The following RHCG variants were observed in gnomAD, a reference collection of about 807,000 sequenced individuals.
The protein encoded by RHCG is Rh family C glycoprotein.
A neutral mutation model predicts 55.3 loss-of-function variants in RHCG; 39 were observed. The observed-to-expected ratio is 0.70, with a 90% CI of 0.55 to 0.92. The LOEUF (loss-of-function observed/expected upper bound fraction) is 0.92, where lower values mean the gene tolerates loss of function less well. Ranked by LOEUF, RHCG falls within the 40% of genes least tolerant of loss-of-function variation. The pLI, the probability that RHCG is intolerant of heterozygous loss-of-function variation, is 0.00. For missense variants in RHCG, 635 were observed against 627.9 expected, an observed-to-expected ratio of 1.01 and a Z score of -0.12; for synonymous variants, 250 against 246.8, an observed-to-expected ratio of 1.01 and a Z score of -0.12.
chr15:89,484,702 C>A (rs969585117), intron 2 of RHCG, among the ~76,000 whole-genome samples: 1 of 151,252 alleles, frequency 6.6e-6, no homozygotes, highest in African/African-American at 2.4e-5. Flanking sequence ...ATCACTTGTA[C>A]CCAGGAAGTG....
At position 89,477,984 on chromosome 15, in the gene RHCG, G is replaced by A. The variant is rs1961188789; in HGVS notation, c.838-10C>T. On this transcript the variant is annotated splice_polypyrimidine_tract_variant and intron_variant, in intron 5 of 10. Coordinates refer to ENST00000268122, the MANE Select transcript of RHCG (RefSeq NM_016321.3). This position sits in a 1 kb window ranked among gnomAD's most constrained non-coding sequence, Gnocchi z 4.5. ...CATTCTGGATGTGCACCTGGGCAGG[G>A]CAGGCAGAGCAGGCAGGAACTCAGT... 6.3e-7 allele frequency: 1 copy of A among 1,593,800 alleles called. No homozygotes were observed. Among genetic ancestry groups the A allele is most frequent in the South Asian group, 1.1e-5 (1 of 87,780 alleles).
At chr15:89,476,079 C>T (rs1257365360) in intron 9 of RHCG, among the ~76,000 whole-genome samples, 4 of 151,726 alleles carry the variant, frequency 2.6e-5, no homozygotes, top group African/African-American at 7.3e-5. Flanking sequence ...CTCTCTCTCC[C>T]TGTCTCTCTC....
At chr15:89,479,272 C>G (rs777527719) in intron 5 of RHCG, 50 bp downstream of exon 5, 1 of 1,573,132 alleles carries the variant, frequency 6.4e-7, no homozygotes, top group South Asian at 1.2e-5. Context: ...TGATCAGCGC[C>G]CTCCAGGCCC....
In RHCG at chr15:89,496,583, C is replaced by T; in HGVS notation, c.-39G>A. 6.3e-7 allele frequency: 1 copy of T among 1,585,084 alleles called. No individual in the cohort carries two copies. The highest frequency in any genetic ancestry group is 2.3e-5 in the East Asian group (1 of 43,964). On this transcript the variant is annotated 5_prime_UTR_variant, in exon 1 of 11. Transcript: ENST00000268122. ...CTGGCCGGGCTGGCAGCGGGCGGTT[C>T]GGACGCTCGGAGGCCGGCGGGGCTT...
At position 89,480,243 on chromosome 15, in the gene RHCG, C is replaced by A; in HGVS notation, c.670+18G>T. ...TTCACCCATCATGGTGGCCCTCGGT[C>A]ATGATGGCAGTTCTCACCAATCATG... On this transcript the variant is annotated intron_variant, in intron 4 of 10. Transcript: ENST00000268122. The A allele has an allele frequency of 6.2e-7, 1 of 1,613,648 alleles. No homozygotes were observed. The highest frequency in any genetic ancestry group is 1.1e-5 in the South Asian group (1 of 90,926).
At chr15:89,472,945 A>G in intron 9 of RHCG, 82 bp from the exon 10 acceptor site, 1 of 1,368,974 alleles carries the variant, frequency 7.3e-7, no homozygotes, top group Non-Finnish European at 9.5e-7. Context: ...TGGAGCTGCA[A>G]ATGGTGTGTG....
Position 89,477,411 on chromosome 15 carries a change from G to A in RHCG, c.1112+106C>T, listed in dbSNP as rs1961171956. 1 of 1,498,678 alleles carries A rather than the reference G, an allele frequency of 6.7e-7. No homozygotes were observed. Among genetic ancestry groups the A allele is most frequent in the East Asian group, 2.3e-5 (1 of 42,590 alleles). 92.8% of individuals were successfully genotyped at this position (1,498,678 alleles called of 1,614,324 possible). A position where few individuals can be genotyped will look rare whatever the true frequency, so the allele number is the denominator to read the frequency against. On this transcript the variant is annotated intron_variant, in intron 7 of 10. Coordinates refer to ENST00000268122, the MANE Select transcript of RHCG (RefSeq NM_016321.3). The surrounding 1 kb of genome is among the most constrained non-coding windows in gnomAD (Gnocchi z 4.5). The stretch of plus-strand genomic sequence containing the variant: ...CATGAAACAATTGGTCCAGAGTGGG[G>A]AAGGAAAGGGAGAAAGATGCAGTCG...
intron 2 of RHCG, among the ~76,000 whole-genome samples, 198 bp from the exon 3 acceptor site, chr15:89,483,415 C>T (rs902211693): frequency 6.6e-6 from 1 of 152,146 alleles, no homozygotes; most frequent in African/African-American, 2.4e-5. Flanking sequence ...AGGACTAGTA[C>T]AGCAGCACAC....
chr15:89,493,343 A>C (rs2087830157), intron 1 of RHCG, among the ~76,000 whole-genome samples: 1 of 152,162 alleles, frequency 6.6e-6, no homozygotes, highest in South Asian at 2.1e-4. Flanking sequence ...CGTGCTTAGC[A>C]ACCACAGCCA....
intron 9 of RHCG, among the ~76,000 whole-genome samples, chr15:89,473,563 G>T (rs1257743070): frequency 1.3e-5 from 2 of 151,946 alleles, no homozygotes; most frequent in Non-Finnish European, 2.9e-5. Flanking sequence ...GTATCAGCAG[G>T]TTACACCTAT....
intron 8 of RHCG, 35 bp from the exon 9 acceptor site, chr15:89,476,863 G>T (rs758451051): frequency 6.3e-7 from 1 of 1,590,414 alleles, no homozygotes; most frequent in Non-Finnish European, 8.6e-7. Context: ...ATGTCAGGAA[G>T]TGCCTTCTCT....
chr15:89,472,587 G>C, intron 10 of RHCG, 124 bp downstream of exon 10: 1 of 945,920 alleles, frequency 1.1e-6, no homozygotes, highest in South Asian at 1.7e-5. Context: ...TCAGGCAGGA[G>C]GGGTGGAAGC....
Position 89,481,889 on chromosome 15 carries a change from C to A in RHCG, c.522+1178G>T, listed in dbSNP as rs866377665. Among the ~76,000 whole-genome samples, 12 of 152,202 alleles carry A rather than the reference C, an allele frequency of 7.9e-5. No individual in the cohort carries two copies. The South Asian group carries it at 8.3e-4, about 11-fold the overall frequency. On this transcript the variant is annotated intron_variant, in intron 3 of 10. Coordinates refer to ENST00000268122, the MANE Select transcript of RHCG (RefSeq NM_016321.3). ...TGATCTCGGCTCACCACAACCTGTG[C>A]CTCCTGGGTTCAAGCGATTCTCCTG...
At chr15:89,483,400 G>A (rs1045116854) in intron 2 of RHCG, among the ~76,000 whole-genome samples, 183 bp from the exon 3 acceptor site, 2 of 152,090 alleles carry the variant, frequency 1.3e-5, no homozygotes, top group Admixed American at 6.5e-5. Context: ...GAAACCACAC[G>A]AGACAGGACT....
At chr15:89,480,473 G>A in intron 3 of RHCG, 65 bp from the exon 4 acceptor site, 4 of 1,555,074 alleles carry the variant, frequency 2.6e-6, no homozygotes, top group South Asian at 2.4e-5. Context: ...TGCCGTCCCT[G>A]TCTTGCCACA....
In RHCG at chr15:89,479,501, G is replaced by A; in HGVS notation, c.671-13C>T. The A allele has an allele frequency of 6.2e-7, 1 of 1,605,658 alleles. No individual in the cohort carries two copies. The highest frequency in any genetic ancestry group is 8.5e-7 in the Non-Finnish European group (1 of 1,175,688). On this transcript the variant is annotated splice_polypyrimidine_tract_variant and intron_variant, in intron 4 of 10. Coordinates refer to ENST00000268122, the MANE Select transcript of RHCG (RefSeq NM_016321.3). ...AGGAAGAGGGTGCCTGGTCAGACCA[G>A]ACAGGCCCAATGGGCCCGGGAGGAG...
chr15:89,495,536 G>C lies in RHCG; in HGVS notation c.184+825C>G, dbSNP rs145048419. ...AAGAGCCCCAGGCTGGGAGTCCAGA[G>C]GTCGGGCAGCTCAGAGTGACCTTGG... On this transcript the variant is annotated intron_variant, in intron 1 of 10. Transcript: ENST00000268122. Among the ~76,000 whole-genome samples the C allele has an allele frequency of 2.4e-4, 36 of 152,310 alleles. 2 individuals are homozygous for C. Among genetic ancestry groups the C allele is most frequent in the African/African-American group, 8.7e-4 (36 of 41,576 alleles).
At chr15:89,476,485 C>T (rs1221877674) in intron 9 of RHCG, among the ~76,000 whole-genome samples, 2 of 152,204 alleles carry the variant, frequency 1.3e-5, no homozygotes, top group African/African-American at 4.8e-5. Context: ...TAAACTCCAG[C>T]TGTAGCCCTG....
At chr15:89,495,307 G>A (rs1372239816) in intron 1 of RHCG, among the ~76,000 whole-genome samples, 1 of 152,202 alleles carries the variant, frequency 6.6e-6, no homozygotes, top group Non-Finnish European at 1.5e-5. Context: ...TTTTCTTGGA[G>A]ATAGAGAATC....
Sources: gnomAD v4.1 joint callset for allele counts (sites outside exome capture counted in the v4.1 genomes callset) on GRCh38, gnomAD v4.1.1 for gene constraint, Gnocchi (gnomAD v3.1) non-coding constraint, MANE v1.5 for transcripts, NCBI Gene and HGNC (gene_info 2026-07-23, HGNC 2026-07-21) for gene names.